CALN1: variants seen among roughly 807,000 people sequenced by gnomAD.
CALN1 encodes calneuron 1.
A neutral mutation model predicts 30.6 loss-of-function variants in CALN1; 17 were observed. The observed-to-expected ratio is 0.56, with a 90% confidence interval of 0.38 to 0.83. The LOEUF (loss-of-function observed/expected upper bound fraction) is 0.83. CALN1 is among the 40% of genes least tolerant of loss of function. The probability of loss-of-function intolerance (pLI) is 0.00; values close to 1 mark genes in which losing one functional copy is unlikely to be tolerated. For missense variants in CALN1, 291 were observed against 354.9 expected (o/e 0.82, Z 1.45); for synonymous variants, 156 against 131.4 (o/e 1.19, Z -1.28).
chr7:72,333,490 G>A (rs748350461), intron 2 of CALN1, among the ~76,000 whole-genome samples: 17 of 152,282 alleles, frequency 1.1e-4, no homozygotes, highest in Middle Eastern at 3.4e-3. Flanking sequence ...TGAGAAATCT[G>A]CCAATGTTCT....
chr7:72,329,015 A>G (rs1801479162), intron 2 of CALN1, among the ~76,000 whole-genome samples: 1 of 152,226 alleles, frequency 6.6e-6, no homozygotes, highest in African/African-American at 2.4e-5. Flanking sequence ...ACATTTTAAA[A>G]CAAACATTTT....
chr7:72,310,273 G>A (rs1161290097), intron 2 of CALN1, among the ~76,000 whole-genome samples: 1 of 151,350 alleles, frequency 6.6e-6, no homozygotes, highest in African/African-American at 2.4e-5. Context: ...AATGGGAGTT[G>A]TAAGGTATCT....
chr7:72,399,354 T>C (rs1806188041), intron 2 of CALN1, among the ~76,000 whole-genome samples: 1 of 135,934 alleles, frequency 7.4e-6, no homozygotes, highest in South Asian at 2.6e-4. Context: ...CACTGCAACA[T>C]CCGCCTCCCA....
chr7:72,212,494 G>A (rs1280243074), intron 3 of CALN1, among the ~76,000 whole-genome samples: 2 of 152,088 alleles, frequency 1.3e-5, no homozygotes, highest in Non-Finnish European at 2.9e-5. Context: ...AATGCATTGG[G>A]GGTACCATAG....
chr7:71,847,850 A>AAGGAGAAGGAGAAGG lies in CALN1; in HGVS notation c.502-37359_502-37358insCCTTCTCCTTCTCCT, dbSNP rs1448496062. On this transcript the variant is annotated intron_variant, in intron 5 of 6. Transcript: ENST00000395275. ...GAAGGAGAAGGAGAAGGAGAAGGAG[A>AAGGAGAAGGAGAAGG]AGAAGAAGAGGAAAGTTTTCCCTTT... Among the ~76,000 whole-genome samples, 5 of 150,830 alleles carry AAGGAGAAGGAGAAGG rather than the reference A, an allele frequency of 3.3e-5. No homozygotes were observed. The South Asian group carries it at 6.4e-4, about 19-fold the overall frequency.
chr7:71,943,564 C>G (rs1057288608), intron 5 of CALN1, among the ~76,000 whole-genome samples: 6 of 107,136 alleles, frequency 5.6e-5, no homozygotes, highest in Non-Finnish European at 8.7e-5. Context: ...CCTCAGCCTC[C>G]CGAGTAGCTG....
chr7:72,118,230 T>C (rs953183135), intron 3 of CALN1, among the ~76,000 whole-genome samples: 1 of 152,222 alleles, frequency 6.6e-6, no homozygotes, highest in East Asian at 1.9e-4. Context: ...ACTTATTAAG[T>C]GGTGAAATTA....
intron 3 of CALN1, among the ~76,000 whole-genome samples, chr7:72,205,551 A>AAATATATACATATATATATATAT: frequency 0.021 from 1,762 of 82,628 alleles, 266 homozygotes; most frequent in East Asian, 0.06. Context: ...GCAAAAAAAA[A>AAATATATACATATATATATATAT]ATATATATAT....
intron 2 of CALN1, among the ~76,000 whole-genome samples, chr7:72,334,444 A>T (rs1292336242): frequency 1.3e-5 from 2 of 152,180 alleles, no homozygotes; most frequent in Non-Finnish European, 2.9e-5. Flanking sequence ...AATATTTATG[A>T]ACGGATCAGA....
chr7:71,906,599 T>C (rs1794149919), intron 5 of CALN1, among the ~76,000 whole-genome samples: 2 of 152,144 alleles, frequency 1.3e-5, no homozygotes, highest in African/African-American at 4.8e-5. Context: ...GTGGTACCAC[T>C]TGTTACTGAT....
intron 3 of CALN1, among the ~76,000 whole-genome samples, chr7:72,173,540 G>A (rs1181980489): frequency 1.3e-5 from 2 of 152,140 alleles, no homozygotes; most frequent in Non-Finnish European, 2.9e-5. Flanking sequence ...GGACTTAACT[G>A]CAGCTGATCT....
At chr7:72,128,836 C>T (rs766258812) in intron 3 of CALN1, among the ~76,000 whole-genome samples, 4 of 152,198 alleles carry the variant, frequency 2.6e-5, no homozygotes, top group Non-Finnish European at 4.4e-5. Flanking sequence ...CGGGCCGCTG[C>T]ACTTCAGCCT....
At position 72,290,079 on chromosome 7, in the gene CALN1, TAAAAAAAAAAAAAAAAAAAAAAA is replaced by T. The variant is rs60416266; in HGVS notation, c.120-11292_120-11270del. On this transcript the variant is annotated intron_variant, in intron 2 of 6. Coordinates refer to ENST00000395275, the MANE Select transcript of CALN1 (RefSeq NM_031468.4). The stretch of plus-strand genomic sequence containing the variant: ...GGTAACAGAGAACGAGACCCTGTCT[TAAAAAAAAAAAAAAAAAAAAAAA>T]AAAAAAAAAAAAAAAAAAAAAAAAG... Among the ~76,000 whole-genome samples, 145 of 32,116 alleles carry T rather than the reference TAAAAAAAAAAAAAAAAAAAAAAA, an allele frequency of 4.5e-3. 1 individual carries two copies. Among genetic ancestry groups the T allele is most frequent in the African/African-American group, 0.015 (120 of 7,844 alleles). 21.1% of individuals were successfully genotyped at this position (32,116 alleles called of 152,430 possible).
the CALN1 span, among the ~76,000 whole-genome samples, chr7:72,464,349 T>C: frequency 6.6e-6 from 1 of 152,198 alleles, no homozygotes; most frequent in Admixed American, 6.5e-5. Flanking sequence ...CATGTGGAAC[T>C]AGACCGTGCT....
intron 4 of CALN1, among the ~76,000 whole-genome samples, chr7:72,076,877 G>C (rs1342624111): frequency 6.6e-6 from 1 of 152,092 alleles, no homozygotes; most frequent in Non-Finnish European, 1.5e-5. Flanking sequence ...ATCGTTCTAA[G>C]TGTCTCCAGT....
chr7:72,448,904 C>A (rs1808603201), upstream of CALN1, among the ~76,000 whole-genome samples: 1 of 152,150 alleles, frequency 6.6e-6, no homozygotes, highest in Non-Finnish European at 1.5e-5. Flanking sequence ...CGCACCCGGC[C>A]GCATGATCTT....
rs145088955 is a variant in CALN1, at chr7:72,392,678, A to G, written c.119+10573T>C. The stretch of plus-strand genomic sequence containing the variant: ...TTTCTCAATAGGAGCAAAATCCTCA[A>G]ATTAAAATTTGGTACAGGTCAATGC... On this transcript the variant is annotated intron_variant, in intron 2 of 6. Transcript: ENST00000395275. Among the ~76,000 whole-genome samples, 1,174 of 152,282 alleles carry G rather than the reference A, an allele frequency of 7.7e-3. 5 individuals carry two copies. Among genetic ancestry groups the G allele is most frequent in the Middle Eastern group, 0.031 (9 of 294 alleles).
At chr7:72,365,495 G>A (rs1803825175) in intron 2 of CALN1, among the ~76,000 whole-genome samples, 1 of 152,092 alleles carries the variant, frequency 6.6e-6, no homozygotes, top group Non-Finnish European at 1.5e-5. Context: ...ACCCAGGCTG[G>A]AGTGCAGTGG....
At chr7:72,346,518 TATTA>T (rs1458453824) in intron 2 of CALN1, among the ~76,000 whole-genome samples, 29 of 152,276 alleles carry the variant, frequency 1.9e-4, no homozygotes, top group African/African-American at 7.0e-4. Context: ...AAAATTTATT[TATTA>T]TTTATTTATT....
Sources: allele counts gnomAD v4.1 joint callset (sites outside exome capture counted in the v4.1 genomes callset), GRCh38; gene constraint gnomAD v4.1.1; transcripts MANE v1.5; gene names NCBI Gene and HGNC (gene_info 2026-07-23, HGNC 2026-07-21).